ACOXL: variants seen among roughly 807,000 people sequenced by gnomAD.
ACOXL encodes the protein acyl-coenzyme A oxidase-like protein.
ACOXL carries 70 observed loss-of-function variants against 71.9 expected under a neutral mutation model. That is an observed-to-expected ratio of 0.97 (90% CI 0.80 to 1.19). The LOEUF is 1.19. ACOXL is among the 50% of genes most tolerant of loss of function. The pLI, the probability that ACOXL is intolerant of heterozygous loss-of-function variation, is 0.00. For missense variants in ACOXL, 703 were observed against 736.3 expected (o/e 0.95, Z 0.52); for synonymous variants, 253 against 281.6 (o/e 0.90, Z 1.02).
intron 9 of ACOXL, among the ~76,000 whole-genome samples, chr2:110,815,811 A>G (rs1266568650): frequency 6.6e-6 from 1 of 152,128 alleles, no homozygotes; most frequent in African/African-American, 2.4e-5. Context: ...TTTATTTGCC[A>G]CTCAGCAAAC....
At chr2:111,110,011 A>G (rs916795455) in intron 17 of ACOXL, among the ~76,000 whole-genome samples, 3 of 152,074 alleles carry the variant, frequency 2.0e-5, no homozygotes, top group African/African-American at 7.2e-5. Flanking sequence ...CATTTATAAT[A>G]GTTGTTTTTA....
intron 10 of ACOXL, among the ~76,000 whole-genome samples, chr2:110,867,100 A>C (rs1694697238): frequency 6.6e-6 from 1 of 152,058 alleles, no homozygotes; most frequent in East Asian, 1.9e-4. Context: ...GCATTCCTAT[A>C]AGAGGGCCCA....
intron 1 of ACOXL, among the ~76,000 whole-genome samples, chr2:110,765,096 A>G (rs1265154315): frequency 6.6e-6 from 1 of 152,228 alleles, no homozygotes; most frequent in Non-Finnish European, 1.5e-5. Context: ...TACTTGAAAA[A>G]TGTTGAGCCA....
At chr2:110,963,478 A>G in intron 12 of ACOXL, 1 of 1,255,744 alleles carries the variant, frequency 8.0e-7, no homozygotes, top group Admixed American at 3.6e-5. Flanking sequence ...GAGAAATATG[A>G]TTGTTTACCT....
At position 111,028,062 on chromosome 2, in the gene ACOXL, C is replaced by T. The variant is rs545809271; in HGVS notation, c.1282-3565C>T. Among the ~76,000 whole-genome samples, 64 of 150,250 alleles carry T rather than the reference C, an allele frequency of 4.3e-4. No homozygotes were observed. The Middle Eastern group carries it at 0.017, about 40-fold the overall frequency. On this transcript the variant is annotated intron_variant, in intron 14 of 17. Coordinates refer to ENST00000439055, the MANE Select transcript of ACOXL (RefSeq NM_001142807.4). Reference sequence around the variant, plus strand: ...AGTTAGCCATGCATGGTGTTGTGCACCTGTAGTCCCGGCTACCCAGAAGGC... The same window carrying T: ...AGTTAGCCATGCATGGTGTTGTGCATCTGTAGTCCCGGCTACCCAGAAGGC...
intron 1 of ACOXL, among the ~76,000 whole-genome samples, chr2:110,764,922 G>A (rs1434663143): frequency 6.6e-6 from 1 of 152,016 alleles, no homozygotes; most frequent in Non-Finnish European, 1.5e-5. Context: ...ATCATTTCCT[G>A]TCTGTTTAAA....
At chr2:110,903,234 C>A (rs182030599) in intron 10 of ACOXL, among the ~76,000 whole-genome samples, 1 of 152,338 alleles carries the variant, frequency 6.6e-6, no homozygotes, top group Admixed American at 6.5e-5. Context: ...GGGGAGAAGG[C>A]GAATGGCGCG....
intron 12 of ACOXL, among the ~76,000 whole-genome samples, chr2:110,945,341 T>C (rs888309220): frequency 6.6e-6 from 1 of 152,034 alleles, no homozygotes; most frequent in African/African-American, 2.4e-5. Context: ...CTCTTTCATG[T>C]AATTAGGTCT....
At chr2:110,770,800 C>G (rs1681811433) in intron 2 of ACOXL, among the ~76,000 whole-genome samples, 1 of 152,258 alleles carries the variant, frequency 6.6e-6, no homozygotes, top group African/African-American at 2.4e-5. Context: ...TTCTTGCTCC[C>G]TTAATCAGCC....
chr2:110,778,648 T>C (rs1682947211), intron 2 of ACOXL, among the ~76,000 whole-genome samples: 1 of 152,224 alleles, frequency 6.6e-6, no homozygotes, highest in Non-Finnish European at 1.5e-5. Context: ...GACGATAACA[T>C]TCTTACCTTA....
chr2:111,117,962 G>A lies in ACOXL; in HGVS notation c.*146G>A. 1.1e-6 allele frequency: 1 copy of A among 941,498 alleles called. No individual in the cohort carries two copies. Among genetic ancestry groups the A allele is most frequent in the Non-Finnish European group, 1.5e-6 (1 of 647,722 alleles). 58.3% of individuals were successfully genotyped at this position (941,498 alleles called of 1,614,324 possible). On this transcript the variant is annotated 3_prime_UTR_variant, in exon 18 of 18. Transcript: ENST00000439055. ...TTGGTGGCAAAGCGGAGGTCCCGCC[G>A]AGGCTGGCGAGGTGCGCGGCTGGCT...
chr2:110,997,974 C>G (rs767930155), intron 14 of ACOXL, among the ~76,000 whole-genome samples: 7 of 152,088 alleles, frequency 4.6e-5, no homozygotes, highest in Non-Finnish European at 1.0e-4. Flanking sequence ...TCTCTTGAGC[C>G]TGGGAGTCAG....
chr2:110,833,756 T>C (rs984450387), intron 9 of ACOXL, among the ~76,000 whole-genome samples: 1 of 152,218 alleles, frequency 6.6e-6, no homozygotes, highest in Non-Finnish European at 1.5e-5. Context: ...CCTCATGTAC[T>C]TGGGTGGAGG....
At chr2:111,107,305 A>G (rs548278903) in intron 17 of ACOXL, among the ~76,000 whole-genome samples, 67 of 152,284 alleles carry the variant, frequency 4.4e-4, no homozygotes, top group Middle Eastern at 3.4e-3. Context: ...CTTGAATCCT[A>G]TGCTTCCTAG....
chr2:110,944,337 A>C (rs1249606549), intron 12 of ACOXL, among the ~76,000 whole-genome samples: 1 of 150,906 alleles, frequency 6.6e-6, no homozygotes, highest in East Asian at 1.9e-4. Flanking sequence ...CCACCGTGCC[A>C]GGCCTCATGC....
intron 9 of ACOXL, among the ~76,000 whole-genome samples, chr2:110,817,035 T>C (rs1017087427): frequency 6.6e-6 from 1 of 152,234 alleles, no homozygotes; most frequent in African/African-American, 2.4e-5. Context: ...TACTTCTCCC[T>C]TAGCTACGAA....
chr2:110,829,450 G>C (rs1422585961), intron 9 of ACOXL, among the ~76,000 whole-genome samples: 2 of 152,204 alleles, frequency 1.3e-5, no homozygotes, highest in Non-Finnish European at 2.9e-5. Context: ...GAGGAAGAGA[G>C]AGCTCCTTGT....
intron 10 of ACOXL, among the ~76,000 whole-genome samples, chr2:110,864,483 T>C (rs1694319933): frequency 6.6e-6 from 1 of 152,228 alleles, no homozygotes; most frequent in African/African-American, 2.4e-5. Flanking sequence ...AGACATGTTC[T>C]TGGGAGGTCA....
intron 17 of ACOXL, chr2:111,094,299 G>A (rs1368234859): frequency 3.9e-5 from 6 of 152,224 alleles, no homozygotes; most frequent in South Asian, 2.1e-4. Context: ...ATGTATTTCT[G>A]TATAACAAAT....
Sources: gnomAD v4.1 joint callset for allele counts (sites outside exome capture counted in the v4.1 genomes callset) on GRCh38, gnomAD v4.1.1 for gene constraint, MANE v1.5 for transcripts, NCBI Gene and HGNC (gene_info 2026-07-23, HGNC 2026-07-21) for gene names.